The following XKR9 variants were observed in gnomAD, a reference collection of about 807,000 sequenced individuals.
The protein encoded by XKR9 is XK related 9, also known as XK-related protein 9.
Under a neutral mutation model 32.0 loss-of-function variants are expected in XKR9, and 32 were observed. That is an observed-to-expected ratio of 1.00 (90% CI 0.76 to 1.34). The LOEUF (loss-of-function observed/expected upper bound fraction) is 1.34. Ranked by LOEUF, XKR9 falls within the 40% of genes most tolerant of loss-of-function variation. The probability of loss-of-function intolerance (pLI) is 0.00; values close to 1 mark genes in which losing one functional copy is unlikely to be tolerated. For missense variants in XKR9, 546 were observed against 429.7 expected, an observed-to-expected ratio of 1.27 and a Z score of -2.39; for synonymous variants, 168 against 143.4, an observed-to-expected ratio of 1.17 and a Z score of -1.22.
chr8:70,924,929 A>AAGGAT, the XKR9 span, among the ~76,000 whole-genome samples: 1 of 152,214 alleles, frequency 6.6e-6, no homozygotes, highest in East Asian at 1.9e-4. Context: ...CTGAGCTGGG[A>AAGGAT]TATGGGCTCT....
chr8:70,809,285 C>A, the XKR9 span, among the ~76,000 whole-genome samples: 20 of 152,132 alleles, frequency 1.3e-4, no homozygotes, highest in African/African-American at 4.8e-4. Flanking sequence ...CACACCAAAA[C>A]CTCATCCGTA....
downstream of XKR9, among the ~76,000 whole-genome samples, chr8:70,740,163 G>A (rs1056131398): frequency 2.2e-4 from 33 of 152,130 alleles, 1 homozygote; most frequent in South Asian, 2.1e-4. Context: ...GGCTTTGTTC[G>A]TTTCTTTTTA....
At chr8:70,873,835 A>G in the XKR9 span, among the ~76,000 whole-genome samples, 1 of 152,238 alleles carries the variant, frequency 6.6e-6, no homozygotes, top group African/African-American at 2.4e-5. Flanking sequence ...ATAAAATGCT[A>G]TCAAGCAGCA....
At chr8:70,865,125 G>A in the XKR9 span, among the ~76,000 whole-genome samples, 1 of 152,138 alleles carries the variant, frequency 6.6e-6, no homozygotes, top group African/African-American at 2.4e-5. Flanking sequence ...CCCTGGAAAG[G>A]GGGGTTGAAT....
the XKR9 span, among the ~76,000 whole-genome samples, chr8:70,938,682 A>C: frequency 6.6e-6 from 1 of 152,048 alleles, no homozygotes; most frequent in Non-Finnish European, 1.5e-5. Flanking sequence ...CTGGGATATG[A>C]CTAATTTTTC....
rs532294222 is a variant in XKR9, at chr8:70,695,178, T to A, written c.273-11755T>A. 2.5e-4 allele frequency among the ~76,000 whole-genome samples: 38 copies of A among 151,018 alleles called. No homozygotes were observed. The South Asian group carries it at 2.9e-3, about 12-fold the overall frequency. ...ATTTGTTTTTAAAAAAATTTTTTTT[T>A]ATTTTATTATTATTATACTTTAAGT... On this transcript the variant is annotated intron_variant, in intron 3 of 4. Transcript: ENST00000408926.
At chr8:70,738,077 C>T (rs1428039540), downstream of XKR9, among the ~76,000 whole-genome samples, 581 of 118,692 alleles carry the variant, frequency 4.9e-3, 6 homozygotes, top group African/African-American at 0.016. Flanking sequence ...TGGTAGAATT[C>T]GGCTGTGAAT....
chr8:71,025,867 G>C, the XKR9 span, among the ~76,000 whole-genome samples: 1 of 152,114 alleles, frequency 6.6e-6, no homozygotes, highest in Non-Finnish European at 1.5e-5. Context: ...TCTCCAGAGT[G>C]ATGTTGCCTT....
the XKR9 span, among the ~76,000 whole-genome samples, chr8:70,874,108 C>T: frequency 1.3e-5 from 2 of 152,102 alleles, no homozygotes; most frequent in Admixed American, 1.3e-4. Flanking sequence ...AGACATAATG[C>T]TATTGCACAC....
At chr8:70,962,977 A>G in the XKR9 span, among the ~76,000 whole-genome samples, 1 of 152,142 alleles carries the variant, frequency 6.6e-6, no homozygotes, top group Non-Finnish European at 1.5e-5. Context: ...TCTTCAACTT[A>G]TATTTTAAGT....
the XKR9 span, among the ~76,000 whole-genome samples, chr8:70,953,970 G>T: frequency 6.6e-6 from 1 of 152,176 alleles, no homozygotes; most frequent in Non-Finnish European, 1.5e-5. Context: ...GAGCTTGGCT[G>T]GAGGCCATTC....
intron 2 of XKR9, among the ~76,000 whole-genome samples, chr8:70,787,474 T>C (rs1807703265): frequency 6.6e-6 from 1 of 152,132 alleles, no homozygotes; most frequent in African/African-American, 2.4e-5. Context: ...AAATTAAGTC[T>C]AGAAACCCAG....
chr8:70,717,778 G>A (rs931045964), intron 4 of XKR9, among the ~76,000 whole-genome samples: 3 of 152,196 alleles, frequency 2.0e-5, no homozygotes, highest in Admixed American at 2.0e-4. Flanking sequence ...GGGCTTGAAT[G>A]TCTGCTCAGA....
At chr8:70,676,248 C>G (rs1818883096) in intron 2 of XKR9, among the ~76,000 whole-genome samples, 1 of 152,166 alleles carries the variant, frequency 6.6e-6, no homozygotes, top group African/African-American at 2.4e-5. Flanking sequence ...GAGGACAGCA[C>G]CAAACCATGA....
intron 2 of XKR9, among the ~76,000 whole-genome samples, chr8:70,744,240 G>A (rs1421647867): frequency 2.0e-5 from 3 of 152,020 alleles, no homozygotes; most frequent in Non-Finnish European, 4.4e-5. Context: ...GAACTGGGGA[G>A]GCAGAAGCTG....
intron 3 of XKR9, among the ~76,000 whole-genome samples, 153 bp from the exon 4 acceptor site, chr8:70,706,780 A>G (rs1007256767): frequency 6.6e-6 from 1 of 152,134 alleles, no homozygotes; most frequent in Non-Finnish European, 1.5e-5. Context: ...TAAAGCCACT[A>G]TGAGATGTTC....
At chr8:70,856,487 C>A in the XKR9 span, among the ~76,000 whole-genome samples, 3 of 151,608 alleles carry the variant, frequency 2.0e-5, no homozygotes, top group Admixed American at 6.6e-5. Flanking sequence ...TCCTTAGAGA[C>A]CTACAAAGAG....
the XKR9 span, among the ~76,000 whole-genome samples, chr8:70,962,843 T>C: frequency 6.6e-6 from 1 of 152,254 alleles, no homozygotes; most frequent in Non-Finnish European, 1.5e-5. Context: ...ATTAGGACTC[T>C]GGGATTTTGA....
the XKR9 span, among the ~76,000 whole-genome samples, chr8:70,951,735 C>T: frequency 6.6e-6 from 1 of 152,140 alleles, no homozygotes. Context: ...ATGAATGCTC[C>T]CTCCAAGTCT....
Sources: allele counts gnomAD v4.1 joint callset (sites outside exome capture counted in the v4.1 genomes callset), GRCh38; gene constraint gnomAD v4.1.1; transcripts MANE v1.5; gene names NCBI Gene and HGNC (gene_info 2026-07-23, HGNC 2026-07-21).